The following CIB3 variants were observed in gnomAD, a reference collection of about 807,000 sequenced individuals.
CIB3 encodes calcium and integrin-binding family member 3.
Under a neutral mutation model 23.4 loss-of-function variants are expected in CIB3, and 22 were observed. That is an observed-to-expected ratio of 0.94 (90% CI 0.67 to 1.34). The LOEUF (loss-of-function observed/expected upper bound fraction) is 1.34, where lower values mean the gene tolerates loss of function less well. Among genes scored for constraint, CIB3 ranks in the 40% most tolerant of loss-of-function variants. CIB3 has a pLI of 0.00. For missense variants in CIB3, 258 were observed against 247.3 expected (o/e 1.04, Z -0.29); for synonymous variants, 93 against 95.8 (o/e 0.97, Z 0.17).
intron 4 of CIB3, 37 bp from the exon 5 acceptor site, chr19:16,164,950 G>A (rs753464318): frequency 6.3e-7 from 1 of 1,585,564 alleles, no homozygotes; most frequent in East Asian, 2.2e-5. Flanking sequence ...ACAGCAGGTG[G>A]CAGGAGGGCT....
rs567630855 is a variant in CIB3, at chr19:16,169,668, C to T, written c.160G>A (p.Val54Met). Residue 54 changes from valine to methionine, a missense_variant, in exon 3 of 6, where the codon GTG becomes ATG. Transcript: ENST00000269878. ...LDYTTCPDVK[V>M]PYELIGSMPE... Reference sequence around the variant, plus strand: ...ATGCTGCCAATGAGCTCGTAGGGCACCTTCACATCGGGGCAGGTGGTATAG... The same window carrying T: ...ATGCTGCCAATGAGCTCGTAGGGCATCTTCACATCGGGGCAGGTGGTATAG... 8 of 1,613,842 alleles carry T rather than the reference C, an allele frequency of 5.0e-6. No individual in the cohort carries two copies. In the East Asian group the frequency reaches 1.3e-4, roughly 27 times the overall value.
chr19:16,161,538 T>C, intron 5 of CIB3, 52 bp from the exon 6 acceptor site: 1 of 1,603,742 alleles, frequency 6.2e-7, no homozygotes, highest in African/African-American at 1.3e-5. Context: ...GACAACCCCT[T>C]TTCCTCCTCC....
At chr19:16,170,369 G>C (rs116947606) in intron 2 of CIB3, among the ~76,000 whole-genome samples, 3,051 of 152,332 alleles carry the variant, frequency 0.02, 26 homozygotes, top group South Asian at 0.03. Flanking sequence ...TTCTAAAGCA[G>C]ATGGAGTTGG....
intron 2 of CIB3, among the ~76,000 whole-genome samples, chr19:16,170,612 G>T (rs2145085230): frequency 1.3e-5 from 2 of 151,518 alleles, no homozygotes; most frequent in East Asian, 3.9e-4. Flanking sequence ...CCAGAGGTCA[G>T]GAGTTCGAGA....
rs1459654749 is a variant in CIB3, at chr19:16,168,174, G to A, written c.309C>T (p.Pro103=). ...AAGCATAGTAAGCCTTGAGGTCGCGGGGAGCCATTTCACTCATCACGGAAA... is the reference window on the plus strand; with the variant it reads ...AAGCATAGTAAGCCTTGAGGTCGCGAGGAGCCATTTCACTCATCACGGAAA... ...DMFSVMSEMA[P]RDLKAYYAFK... is the part of the protein sequence containing the mutation. The change falls in exon 4 of 6, where the codon CCC becomes CCT. Residue 103 remains proline (P), a synonymous_variant. Transcript: ENST00000269878. The A allele has an allele frequency of 8.7e-6, 14 of 1,611,906 alleles. No individual in the cohort carries two copies. In the East Asian group the frequency reaches 2.7e-4, roughly 31 times the overall value.
At chr19:16,173,120 G>A in intron 2 of CIB3, 42 bp downstream of exon 2, 1 of 1,610,750 alleles carries the variant, frequency 6.2e-7, no homozygotes, top group South Asian at 1.1e-5. Flanking sequence ...TGAATAGAAA[G>A]TTGTTTTTCC....
chr19:16,169,628 A>G lies in CIB3; in HGVS notation c.198+2T>C. On this transcript the variant is annotated splice_donor_variant, in intron 3 of 5. Transcript: ENST00000269878. LOFTEE classifies it high-confidence loss of function. ...CCTGTTTGTCCCATGGCCTGGGCAT[A>G]CCTTCAGCTCGGGCATGCTGCCAAT... 1 of 1,612,408 alleles carries G rather than the reference A, an allele frequency of 6.2e-7. No homozygotes were observed.
intron 5 of CIB3, among the ~76,000 whole-genome samples, chr19:16,163,271 C>T (rs1368382491): frequency 1.3e-5 from 2 of 152,086 alleles, no homozygotes; most frequent in African/African-American, 4.8e-5. Flanking sequence ...AACAAACAAA[C>T]GGGCTGGGCG....
intron 4 of CIB3, among the ~76,000 whole-genome samples, chr19:16,167,334 A>G (rs939444263): frequency 3.3e-5 from 5 of 152,348 alleles, no homozygotes; most frequent in African/African-American, 1.2e-4. Flanking sequence ...ATATTTACTG[A>G]GCCAGGCTCA....
chr19:16,173,446 G>A lies in CIB3; in HGVS notation c.30C>T (p.His10=), dbSNP rs138083978. Residue 10 remains histidine, a synonymous_variant, in exon 1 of 6, where the codon CAC becomes CAT. Coordinates refer to ENST00000269878, the MANE Select transcript of CIB3 (RefSeq NM_054113.4). MGNKQTVFT[H]EQLEAYQDCT... ...CTACCTGATACGCTTCCAGCTGCTC[G>A]TGTGTGAAGACTGTCTGCTTGTTGC... is the stretch of plus-strand genomic sequence containing the variant. 221 of 1,613,946 alleles carry A rather than the reference G, an allele frequency of 1.4e-4. No homozygotes were observed. In the African/African-American group the frequency reaches 2.1e-3, roughly 15 times the overall value.
In CIB3 at chr19:16,168,214, T is replaced by C; in HGVS notation, c.269A>G (p.Asn90Ser). ...CATCACGGAAAACATGTCCAAAAAG[T>C]TGTCCAGGGTCATGTGGCCATCCCC... is the stretch of plus-strand genomic sequence containing the variant. Reference protein sequence around the residue: ...EDGDGHMTLDNFLDMFSVMSE... With the variant: ...EDGDGHMTLDSFLDMFSVMSE... Residue 90 changes from asparagine to serine, a missense_variant, in exon 4 of 6, where the codon AAC (asparagine) becomes AGC (serine). Transcript: ENST00000269878. 6.2e-7 allele frequency: 1 copy of C among 1,613,534 alleles called. No homozygotes were observed. The highest frequency in any genetic ancestry group is 8.5e-7 in the Non-Finnish European group (1 of 1,179,830).
intron 5 of CIB3, 71 bp downstream of exon 5, chr19:16,164,647 T>C (rs1481324255): frequency 4.4e-6 from 6 of 1,373,886 alleles, no homozygotes; most frequent in Middle Eastern, 1.8e-4. Context: ...AGAAACAGAG[T>C]CTGTGAACTG....
intron 4 of CIB3, among the ~76,000 whole-genome samples, chr19:16,165,364 T>TTGCC (rs1443175394): frequency 6.6e-6 from 1 of 151,212 alleles, no homozygotes; most frequent in Non-Finnish European, 1.5e-5. Flanking sequence ...AATCTGGAAC[T>TTGCC]TGCCTTAAAA....
intron 2 of CIB3, among the ~76,000 whole-genome samples, chr19:16,171,180 A>C (rs1243991891): frequency 1.3e-5 from 2 of 152,030 alleles, no homozygotes; most frequent in African/African-American, 4.8e-5. Context: ...AGAAAGAAAG[A>C]AAAGAAGAAA....
chr19:16,171,207 G>A lies in CIB3; in HGVS notation c.87-1466C>T, dbSNP rs145922245. 4.2e-3 allele frequency among the ~76,000 whole-genome samples: 638 copies of A among 151,926 alleles called. 4 individuals carry two copies. The highest frequency in any genetic ancestry group is 0.014 in the African/African-American group (597 of 41,458). Reference sequence around the variant, plus strand: ...AAGAAGAAAGAAAGAAAAAAAAGGAGGGATTCCTCAATGGGGCAGAGCAGA... The same window carrying A: ...AAGAAGAAAGAAAGAAAAAAAAGGAAGGATTCCTCAATGGGGCAGAGCAGA... On this transcript the variant is annotated intron_variant, in intron 2 of 5. Transcript: ENST00000269878.
intron 5 of CIB3, 146 bp downstream of exon 5, chr19:16,164,572 G>A: frequency 1.3e-6 from 1 of 761,410 alleles, no homozygotes; most frequent in South Asian, 1.9e-5. Flanking sequence ...ACAGATGCAG[G>A]GACTGAGACT....
Position 16,164,736 on chromosome 19 carries a change from C to G in CIB3, c.524G>C (p.Arg175Pro). 6.2e-7 allele frequency: 1 copy of G among 1,613,870 alleles called. No individual in the cohort carries two copies. The highest frequency in any genetic ancestry group is 8.5e-7 in the Non-Finnish European group (1 of 1,179,894). Residue 175 changes from arginine to proline, a missense_variant, in exon 5 of 6, where the codon CGG becomes CCG. By Grantham distance (103) the Arg-to-Pro change is moderately radical. Coordinates refer to ENST00000269878, the MANE Select transcript of CIB3 (RefSeq NM_054113.4). ...GCATCACCTGAGGAAGTCTGGTGCC[C>G]GGAGGATCATGTTCTGGAAATCTTC... The part of the protein sequence containing the change: ...SLEDFQNMIL[R>P]APDFLSTFHI...
chr19:16,165,443 G>A (rs577388406), intron 4 of CIB3, among the ~76,000 whole-genome samples: 5 of 83,260 alleles, frequency 6.0e-5, no homozygotes, highest in Admixed American at 1.6e-4. Context: ...TTTTTCATTC[G>A]TTCTTTTTTT....
intron 5 of CIB3, 125 bp from the exon 6 acceptor site, chr19:16,161,611 A>G (rs1181677114): frequency 1.0e-6 from 1 of 956,780 alleles, no homozygotes; most frequent in Admixed American, 2.0e-5. Flanking sequence ...GGACCCCTCA[A>G]ACAACCCTAG....
Sources: gnomAD v4.1 joint callset for allele counts (sites outside exome capture counted in the v4.1 genomes callset) on GRCh38, gnomAD v4.1.1 for gene constraint, MANE v1.5 for transcripts, NCBI Gene and HGNC (gene_info 2026-07-23, HGNC 2026-07-21) for gene names.